MAML2: variants seen among roughly 807,000 people sequenced by gnomAD.
MAML2 encodes the protein mastermind like transcriptional coactivator 2, also known as mastermind-like protein 2.
Under a neutral mutation model 96.1 loss-of-function variants are expected in MAML2, and 22 were observed. The observed-to-expected ratio is 0.23, with a 90% CI of 0.16 to 0.33. MAML2 has a LOEUF of 0.33. Ranked by LOEUF, MAML2 falls within the 10% of genes least tolerant of loss-of-function variation. The pLI is 1.00. For synonymous variants in MAML2, 561 were observed against 521.3 expected, an observed-to-expected ratio of 1.08 and a Z score of -1.04; for missense variants, 1,367 against 1,392.4, an observed-to-expected ratio of 0.98 and a Z score of 0.29.
At chr11:96,058,535 G>T (rs914257614) in intron 2 of MAML2, among the ~76,000 whole-genome samples, 2 of 152,116 alleles carry the variant, frequency 1.3e-5, no homozygotes, top group African/African-American at 4.8e-5. Context: ...TGGCCAGGCT[G>T]GTCTCGAACT....
At chr11:96,248,113 C>CTTTTTTTTTTTTTTTTTTTTTTATT (rs35775102) in intron 1 of MAML2, among the ~76,000 whole-genome samples, 1 of 132,248 alleles carries the variant, frequency 7.6e-6, no homozygotes, top group Non-Finnish European at 1.6e-5. Flanking sequence ...TGTTTTTTTA[C>CTTTTTTTTTTTTTTTTTTTTTTATT]TTTTTTTTTT....
rs567677989 is a variant in MAML2, at chr11:96,140,908, A to C, written c.514-47391T>G. On this transcript the variant is annotated intron_variant, in intron 1 of 4. Transcript: ENST00000524717. ...AGGAACATCACTGTCTCTGTCTTTC[A>C]AATGGCTTTATTTGCTGCTTTTGAC... is the stretch of plus-strand genomic sequence containing the variant. Among the ~76,000 whole-genome samples, 96 of 152,342 alleles carry C rather than the reference A, an allele frequency of 6.3e-4. 1 individual carries two copies. Among genetic ancestry groups the C allele is most frequent in the African/African-American group, 2.2e-3 (93 of 41,570 alleles).
intron 1 of MAML2, among the ~76,000 whole-genome samples, chr11:96,254,436 A>ATAG (rs1862633410): frequency 6.6e-6 from 1 of 150,466 alleles, no homozygotes; most frequent in Non-Finnish European, 1.5e-5. Context: ...GTGGCTCTTA[A>ATAG]TAGTAGGGCT....
At chr11:96,104,685 A>G (rs1859993510) in intron 1 of MAML2, among the ~76,000 whole-genome samples, 1 of 152,192 alleles carries the variant, frequency 6.6e-6, no homozygotes, top group African/African-American at 2.4e-5. Context: ...AAGGCTGCCT[A>G]TATTGTAGTC....
chr11:96,176,524 G>A (rs998662014), intron 1 of MAML2, among the ~76,000 whole-genome samples: 3 of 152,138 alleles, frequency 2.0e-5, no homozygotes, highest in Non-Finnish European at 4.4e-5. Context: ...TCAGTAGGAA[G>A]GACCGCTTTT....
At chr11:96,263,082 G>A (rs1287264638) in intron 1 of MAML2, among the ~76,000 whole-genome samples, 1 of 152,192 alleles carries the variant, frequency 6.6e-6, no homozygotes, top group African/African-American at 2.4e-5. Context: ...AGAACAGCAT[G>A]ACATTGTAAT....
intron 1 of MAML2, among the ~76,000 whole-genome samples, chr11:96,210,334 C>T (rs551921794): frequency 6.6e-6 from 1 of 152,174 alleles, no homozygotes; most frequent in African/African-American, 2.4e-5. Flanking sequence ...GTCTGGAACT[C>T]CTGACCTCAG....
intron 1 of MAML2, among the ~76,000 whole-genome samples, chr11:96,100,372 C>T (rs535111693): frequency 8.6e-4 from 131 of 151,774 alleles, no homozygotes; most frequent in Non-Finnish European, 1.1e-3. Context: ...TGCAGTGGCA[C>T]GATCTTGGCT....
Position 96,111,960 on chromosome 11 carries a change from AAAG to A in MAML2, c.514-18446_514-18444del, listed in dbSNP as rs938664072. On this transcript the variant is annotated intron_variant, in intron 1 of 4. Transcript: ENST00000524717. The stretch of plus-strand genomic sequence containing the variant: ...TTAGTTTTCTTTTTTTCTAAAAAAA[AAAG>A]AAAGTTGCTATAGTAACAATCATCT... Among the ~76,000 whole-genome samples the A allele has an allele frequency of 1.1e-4, 16 of 151,806 alleles. No homozygotes were observed. The South Asian group carries it at 1.9e-3, about 18-fold the overall frequency.
intron 2 of MAML2, among the ~76,000 whole-genome samples, chr11:96,015,282 G>A (rs1173847830): frequency 6.6e-6 from 1 of 152,102 alleles, no homozygotes; most frequent in Non-Finnish European, 1.5e-5. Context: ...AGTTATATAG[G>A]ATCTGCATTT....
intron 2 of MAML2, among the ~76,000 whole-genome samples, chr11:96,026,823 A>C (rs1009231266): frequency 8.4e-5 from 1 of 11,874 alleles, no homozygotes; most frequent in Admixed American, 6.8e-4. Context: ...TATGGGGTTA[A>C]AAAAAAAAAA....
intron 2 of MAML2, among the ~76,000 whole-genome samples, chr11:96,091,604 C>G (rs1421164925): frequency 1.3e-5 from 2 of 152,170 alleles, no homozygotes; most frequent in Non-Finnish European, 2.9e-5. Flanking sequence ...TGATTGACAA[C>G]TGGATATGTC....
At chr11:96,289,376 T>G (rs1863180643) in intron 1 of MAML2, among the ~76,000 whole-genome samples, 1 of 152,182 alleles carries the variant, frequency 6.6e-6, no homozygotes, top group Non-Finnish European at 1.5e-5. Context: ...AAGGAACAGA[T>G]CCTTATACTT....
intron 1 of MAML2, among the ~76,000 whole-genome samples, chr11:96,165,709 T>C (rs1163912927): frequency 6.6e-6 from 1 of 152,256 alleles, no homozygotes; most frequent in African/African-American, 2.4e-5. Context: ...TCTGAGGTTA[T>C]ACATAATTAC....
Position 96,070,116 on chromosome 11 carries a change from C to T in MAML2, c.2139+21776G>A, listed in dbSNP as rs1859319128. Among the ~76,000 whole-genome samples the T allele has an allele frequency of 2.0e-5, 3 of 151,522 alleles. No homozygotes were observed. In the South Asian group the frequency reaches 6.3e-4, roughly 32 times the overall value. ...ACCATCCTGGCTAACACAGTGAAAC[C>T]CCGTCTCTACTAAAAATACAAAAAA... On this transcript the variant is annotated intron_variant, in intron 2 of 4. Coordinates refer to ENST00000524717, the MANE Select transcript of MAML2 (RefSeq NM_032427.4).
At chr11:96,185,036 G>T (rs1861552044) in intron 1 of MAML2, among the ~76,000 whole-genome samples, 1 of 152,166 alleles carries the variant, frequency 6.6e-6, no homozygotes, top group African/African-American at 2.4e-5. Context: ...ATACTGTTTA[G>T]ATTTTATTCA....
At position 96,092,341 on chromosome 11, in the gene MAML2, A is replaced by C; in HGVS notation, c.1690T>G (p.Ser564Ala). Residue 564 changes from serine (S) to alanine (A), a missense_variant, in exon 2 of 5, where the codon TCA becomes GCA. Ser to Ala is a moderately conservative substitution (Grantham distance 99). Coordinates refer to ENST00000524717, the MANE Select transcript of MAML2 (RefSeq NM_032427.4). This position sits in a 1 kb window ranked among gnomAD's most constrained non-coding sequence, Gnocchi z 4.1. ...GGCATCTGCTGGTTCGCTTGATCTG[A>C]GTTAAAATGAAACAAAGGCTTGGTG... The part of the protein sequence containing the change: ...GNTKPLFHFN[S>A]DQANQQMPSV... 3.1e-6 allele frequency: 5 copies of C among 1,611,096 alleles called. No individual in the cohort carries two copies. The highest frequency in any genetic ancestry group is 4.2e-6 in the Non-Finnish European group (5 of 1,178,704).
intron 1 of MAML2, among the ~76,000 whole-genome samples, chr11:96,334,925 T>C (rs1005802768): frequency 1.3e-5 from 2 of 152,228 alleles, no homozygotes; most frequent in East Asian, 1.9e-4. Flanking sequence ...TGTGAACTTC[T>C]CTCTTCATGT....
At chr11:96,108,858 C>T (rs952019092) in intron 1 of MAML2, among the ~76,000 whole-genome samples, 3 of 151,850 alleles carry the variant, frequency 2.0e-5, no homozygotes, top group Non-Finnish European at 4.4e-5. Context: ...GACGGCAAAA[C>T]CCAGATTCTA....
Sources: gnomAD v4.1 joint callset for allele counts (sites outside exome capture counted in the v4.1 genomes callset) on GRCh38, gnomAD v4.1.1 for gene constraint, Gnocchi (gnomAD v3.1) non-coding constraint, MANE v1.5 for transcripts, NCBI Gene and HGNC (gene_info 2026-07-23, HGNC 2026-07-21) for gene names.